The following SNX29 variants were observed in gnomAD, a reference collection of about 807,000 sequenced individuals.
SNX29 encodes sorting nexin 29.
Under a neutral mutation model 102.1 loss-of-function variants are expected in SNX29, and 78 were observed. The observed-to-expected ratio is 0.76, with a 90% CI of 0.64 to 0.92. The LOEUF (loss-of-function observed/expected upper bound fraction) is 0.92, where lower values mean the gene tolerates loss of function less well. Among genes scored for constraint, SNX29 ranks in the 40% least tolerant of loss-of-function variants. SNX29 has a pLI of 0.00. For synonymous variants in SNX29, 580 were observed against 414.5 expected (o/e 1.40, Z -4.85); for missense variants, 1,280 against 1,061.7 (o/e 1.21, Z -2.86).
intron 20 of SNX29, among the ~76,000 whole-genome samples, chr16:12,537,552 T>C (rs1019690727): frequency 2.0e-5 from 3 of 152,224 alleles, no homozygotes; most frequent in African/African-American, 7.2e-5. Flanking sequence ...ATGGAGCTTC[T>C]CGAAGGGAAG....
At chr16:12,472,564 CAGGG>C (rs1056824629) in intron 18 of SNX29, among the ~76,000 whole-genome samples, 1 of 125,404 alleles carries the variant, frequency 8.0e-6, no homozygotes, top group Non-Finnish European at 1.7e-5. Context: ...AAGAAAAAAA[CAGGG>C]AGGAAATCTA....
chr16:12,028,759 T>G (rs1040952095), intron 4 of SNX29, among the ~76,000 whole-genome samples: 2 of 152,122 alleles, frequency 1.3e-5, no homozygotes, highest in East Asian at 3.9e-4. Flanking sequence ...ATTTTTTATT[T>G]TTTATTGAGA....
rs2079205952 is a variant in SNX29, at chr16:12,572,403, G to A, written c.*3774G>A. ...GCTTATATCCCAACAGCCTGAGGCA[G>A]GGCTCTGTGGCCCAGGCCGGCAGTG... On this transcript the variant is annotated 3_prime_UTR_variant, in exon 21 of 21. Transcript: ENST00000566228. The A allele has an allele frequency of 2.8e-6, 3 of 1,063,494 alleles. No individual in the cohort carries two copies. Among genetic ancestry groups the A allele is most frequent in the Non-Finnish European group, 3.4e-6 (3 of 878,188 alleles). The allele number at this position is 1,063,494 out of a possible 1,614,324, so 65.9% of individuals were successfully genotyped here. A position where few individuals can be genotyped will look rare whatever the true frequency, so the allele number is the denominator to read the frequency against.
chr16:12,549,908 C>G (rs1182331133), intron 20 of SNX29, among the ~76,000 whole-genome samples: 1 of 152,228 alleles, frequency 6.6e-6, no homozygotes, highest in Non-Finnish European at 1.5e-5. Flanking sequence ...AATGATGGCC[C>G]ACAGGCCAAA....
At chr16:12,522,507 G>T (rs1385081488) in intron 19 of SNX29, among the ~76,000 whole-genome samples, 1 of 152,238 alleles carries the variant, frequency 6.6e-6, no homozygotes, top group African/African-American at 2.4e-5. Context: ...ATTGTAATCC[G>T]CAGTGTTAGA....
intron 16 of SNX29, among the ~76,000 whole-genome samples, chr16:12,357,198 A>G (rs2082159669): frequency 6.6e-6 from 1 of 152,158 alleles, no homozygotes; most frequent in Non-Finnish European, 1.5e-5. Flanking sequence ...ACGCTCATAT[A>G]TCCTTTGTCA....
chr16:12,556,365 A>C (rs547002500), intron 20 of SNX29: 1 of 152,346 alleles, frequency 6.6e-6, no homozygotes, highest in Non-Finnish European at 1.5e-5. Context: ...GGTTGAGTAT[A>C]CCAGTCGTAA....
In SNX29 at chr16:12,570,290, G is replaced by C. The variant is rs894991899; in HGVS notation, c.*1661G>C. 42 of 1,055,782 alleles carry C rather than the reference G, an allele frequency of 4.0e-5. No individual in the cohort carries two copies. The highest frequency in any genetic ancestry group is 6.6e-5 in the African/African-American group (4 of 60,834). The allele number at this position is 1,055,782 out of a possible 1,614,324, so 65.4% of individuals were successfully genotyped here. On this transcript the variant is annotated 3_prime_UTR_variant, in exon 21 of 21. Coordinates refer to ENST00000566228, the MANE Select transcript of SNX29 (RefSeq NM_032167.5). The stretch of plus-strand genomic sequence containing the variant: ...GGTGCGGACCCTGCAGTCAGTTTGC[G>C]AGTGTGGAGGACCCGAGACATCCTG...
intron 2 of SNX29, 40 bp from the exon 3 acceptor site, chr16:12,002,951 A>G (rs1450523556): frequency 1.2e-6 from 2 of 1,613,766 alleles, no homozygotes. Context: ...TGAGTGTCCC[A>G]TCCCAACAGC....
At chr16:12,337,333 ATGGGTGTTT>A (rs2081481649) in intron 15 of SNX29, among the ~76,000 whole-genome samples, 1 of 151,714 alleles carries the variant, frequency 6.6e-6, no homozygotes, top group African/African-American at 2.4e-5. Flanking sequence ...ATGCAATGCG[ATGGGTGTTT>A]TGTTGTTGTT....
In SNX29 at chr16:12,048,500, T is replaced by G. The variant is rs1156599285; in HGVS notation, c.628T>G (p.Ser210Ala). 1 of 1,613,540 alleles carries G rather than the reference T, an allele frequency of 6.2e-7. No individual in the cohort carries two copies. Among genetic ancestry groups the G allele is most frequent in the African/African-American group, 1.3e-5 (1 of 74,882 alleles). Reference sequence around the variant, plus strand: ...GAACGTGACCTCCTTGCTGAAGGAGTCCACGCAAGGAGTGAGCAGCCTGTT... The same window carrying G: ...GAACGTGACCTCCTTGCTGAAGGAGGCCACGCAAGGAGTGAGCAGCCTGTT... The part of the protein sequence containing the change: ...TQNVTSLLKE[S>A]TQGVSSLFRE... Residue 210 changes from serine to alanine, a missense_variant, in exon 7 of 21, where the codon TCC (serine) becomes GCC (alanine). Ser to Ala is a moderately conservative substitution (Grantham distance 99). Coordinates refer to ENST00000566228, the MANE Select transcript of SNX29 (RefSeq NM_032167.5).
chr16:12,348,098 A>G (rs2081872078), intron 15 of SNX29, among the ~76,000 whole-genome samples: 1 of 152,092 alleles, frequency 6.6e-6, no homozygotes, highest in African/African-American at 2.4e-5. Flanking sequence ...AATTAAAAAA[A>G]TAGGGTACCA....
At chr16:12,302,399 A>G (rs1036916764) in intron 15 of SNX29, among the ~76,000 whole-genome samples, 1 of 152,212 alleles carries the variant, frequency 6.6e-6, no homozygotes, top group Non-Finnish European at 1.5e-5. Flanking sequence ...TGTTCAGGCT[A>G]TTTTAACAAA....
chr16:12,478,869 A>G (rs1362771871), intron 19 of SNX29, among the ~76,000 whole-genome samples: 5 of 152,172 alleles, frequency 3.3e-5, no homozygotes, highest in African/African-American at 1.2e-4. Flanking sequence ...GCACTCTGCG[A>G]CCAAACTGGA....
intron 13 of SNX29, among the ~76,000 whole-genome samples, chr16:12,151,096 A>G (rs888996515): frequency 1.3e-5 from 2 of 152,220 alleles, no homozygotes; most frequent in African/African-American, 2.4e-5. Flanking sequence ...ACAAAAATAG[A>G]TGGAATAGTG....
intron 16 of SNX29, among the ~76,000 whole-genome samples, chr16:12,385,475 C>T (rs991720536): frequency 2.6e-5 from 4 of 152,122 alleles, no homozygotes; most frequent in Non-Finnish European, 4.4e-5. Flanking sequence ...GAGAAGAGAC[C>T]ACCAGGCCAA....
At chr16:12,030,286 G>T (rs1384762757) in intron 4 of SNX29, among the ~76,000 whole-genome samples, 1 of 152,172 alleles carries the variant, frequency 6.6e-6, no homozygotes, top group Non-Finnish European at 1.5e-5. Context: ...CATACCCGCA[G>T]CCCAGAGCAC....
chr16:12,157,207 C>A (rs2055589775), intron 13 of SNX29, among the ~76,000 whole-genome samples: 1 of 152,260 alleles, frequency 6.6e-6, no homozygotes, highest in African/African-American at 2.4e-5. Context: ...CCCCCATAGG[C>A]TGATGGTTGT....
intron 4 of SNX29, among the ~76,000 whole-genome samples, chr16:12,031,768 G>A (rs2057352435): frequency 6.6e-6 from 1 of 152,032 alleles, no homozygotes; most frequent in Admixed American, 6.6e-5. Context: ...TCGCGCCACT[G>A]CACTCCAGCC....
Sources: allele counts gnomAD v4.1 joint callset (sites outside exome capture counted in the v4.1 genomes callset), GRCh38; gene constraint gnomAD v4.1.1; transcripts MANE v1.5; gene names NCBI Gene and HGNC (gene_info 2026-07-23, HGNC 2026-07-21).